ATP6AP1: variants seen among roughly 807,000 people sequenced by gnomAD.
The protein encoded by ATP6AP1 is V-type proton ATPase subunit S1.
ATP6AP1 carries 1 observed loss-of-function variant against 32.0 expected under a neutral mutation model. That is an observed-to-expected ratio of 0.03 (90% CI 0.01 to 0.15). The LOEUF (loss-of-function observed/expected upper bound fraction) is 0.15. Among genes scored for constraint, ATP6AP1 ranks in the 10% least tolerant of loss-of-function variants. ATP6AP1 has a pLI of 1.00. For missense variants in ATP6AP1, 297 were observed against 398.8 expected, an observed-to-expected ratio of 0.74 and a Z score of 2.17; for synonymous variants, 187 against 174.9, an observed-to-expected ratio of 1.07 and a Z score of -0.55.
rs782410042 is a variant in ATP6AP1, at chrX:154,435,697, G to A, written c.1219G>A (p.Val407Ile). 4.3e-5 allele frequency: 52 copies of A among 1,210,049 alleles called. No individual in the cohort carries two copies. The Admixed American group carries it at 9.6e-4, about 22-fold the overall frequency. Reference protein sequence around the residue: ...LQDFQIQAFNVMGEQFSYASD... With the variant: ...LQDFQIQAFNIMGEQFSYASD... Reference sequence around the variant, plus strand: ...TGTCTGCCAGATCCAGGCTTTCAACGTAATGGGGGAGCAGTTCTCCTACGC... The same window carrying A: ...TGTCTGCCAGATCCAGGCTTTCAACATAATGGGGGAGCAGTTCTCCTACGC... The change falls in exon 10 of 10, where the codon GTA becomes ATA. Residue 407 changes from valine to isoleucine, a missense_variant. Val to Ile is a conservative substitution (Grantham distance 29, BLOSUM62 3). Around this residue, in one of 2 missense-constraint regions of ATP6AP1, gnomAD observed 155 missense variants for 253.8 expected, o/e 0.61. Coordinates refer to ENST00000369762, the MANE Select transcript of ATP6AP1 (RefSeq NM_001183.6).
chrX:154,432,122 T>C, intron 3 of ATP6AP1, 144 bp from the exon 4 acceptor site: 1 of 680,373 alleles, frequency 1.5e-6, no homozygotes, highest in Non-Finnish European at 2.2e-6. Flanking sequence ...GGCCTGAATG[T>C]CAGGGGCTGG....
Position 154,428,866 on chromosome X carries a change from G to C in ATP6AP1, c.161+13G>C. 1.8e-6 allele frequency: 2 copies of C among 1,088,762 alleles called. No homozygotes were observed. Among genetic ancestry groups the C allele is most frequent in the Non-Finnish European group, 2.4e-6 (2 of 844,172 alleles). 89.7% of individuals were successfully genotyped at this position (1,088,762 alleles called of 1,213,427 possible). On this transcript the variant is annotated intron_variant, in intron 1 of 9. Transcript: ENST00000369762. ...GGTCGAGTGACCGGTGAGCGGGCCGGGGTGGGATGCGCTGTGGCGGCTGAG... is the reference window on the plus strand; with the variant it reads ...GGTCGAGTGACCGGTGAGCGGGCCGCGGTGGGATGCGCTGTGGCGGCTGAG...
intron 2 of ATP6AP1, chrX:154,430,364 CCACCTCA>C (rs1557196572): frequency 7.1e-5 from 8 of 111,981 alleles, no homozygotes; most frequent in African/African-American, 2.6e-4. Flanking sequence ...CGTGATCCAC[CCACCTCA>C]GCCTCCCAAA....
chrX:154,430,157 A>G (rs782421231), intron 2 of ATP6AP1: 1 of 106,613 alleles, frequency 9.4e-6, no homozygotes, highest in South Asian at 4.3e-4. Flanking sequence ...CCAGGCTGGA[A>G]TGCAGTGGTG....
chrX:154,428,816 G>A lies in ATP6AP1; in HGVS notation c.124G>A (p.Glu42Lys), dbSNP rs971978747. The A allele has an allele frequency of 3.6e-5, 40 of 1,113,403 alleles. No individual in the cohort carries two copies. Among genetic ancestry groups the A allele is most frequent in the Admixed American group, 6.1e-5 (2 of 32,631 alleles). The allele number at this position is 1,113,403 out of a possible 1,213,427, so 91.8% of individuals were successfully genotyped here. A position where few individuals can be genotyped will look rare whatever the true frequency, so the allele number is the denominator to read the frequency against. ...LAAAAAAAAA[E>K]QQVPLVLWSS... ...GGCGGCGGCGGCGGCGGCAGCGGCG[G>A]AGCAGCAGGTCCCGCTGGTGCTGTG... The change falls in exon 1 of 10, where the codon GAG becomes AAG. Residue 42 changes from glutamate to lysine, a missense_variant. By Grantham distance (56) the Glu-to-Lys change is moderately conservative. Coordinates refer to ENST00000369762, the MANE Select transcript of ATP6AP1 (RefSeq NM_001183.6).
chrX:154,435,611 C>A (rs782048010), intron 9 of ATP6AP1, 71 bp from the exon 10 acceptor site: 1,631 of 1,169,505 alleles, frequency 1.4e-3, no homozygotes, highest in Non-Finnish European at 1.6e-3. Flanking sequence ...CCTGTCCCTG[C>A]GCTGCCCCTG....
intron 2 of ATP6AP1, 103 bp from the exon 3 acceptor site, chrX:154,431,727 G>C: frequency 1.3e-6 from 1 of 794,356 alleles, no homozygotes; most frequent in Non-Finnish European, 1.9e-6. Context: ...CTCTCAGTGA[G>C]ACTTTGCTGG....
At chrX:154,431,210 A>G (rs2068691310) in intron 2 of ATP6AP1, 1 of 112,533 alleles carries the variant, frequency 8.9e-6, no homozygotes, top group African/African-American at 3.3e-5. Context: ...CTAACTGGGA[A>G]GGGCCAGAGG....
In ATP6AP1 at chrX:154,428,678, G is replaced by A; in HGVS notation, c.-15G>A. On this transcript the variant is annotated 5_prime_UTR_variant, in exon 1 of 10. In the 5' UTR this introduces an upstream ATG that the reference lacks. Coordinates refer to ENST00000369762, the MANE Select transcript of ATP6AP1 (RefSeq NM_001183.6). ...TGCGGCTGTCGAGGCCGCTGAGGCAGTGGAGGCTGAGGCTATGATGGCGGC... is the reference window on the plus strand; with the variant it reads ...TGCGGCTGTCGAGGCCGCTGAGGCAATGGAGGCTGAGGCTATGATGGCGGC... 8.7e-7 allele frequency: 1 copy of A among 1,146,558 alleles called. No homozygotes were observed. The highest frequency in any genetic ancestry group is 1.2e-6 in the Non-Finnish European group (1 of 867,753). 94.5% of individuals were successfully genotyped at this position (1,146,558 alleles called of 1,213,427 possible).
intron 2 of ATP6AP1, chrX:154,431,519 G>C: frequency 1.2e-5 from 2 of 167,517 alleles, no homozygotes; most frequent in Non-Finnish European, 1.1e-5. Flanking sequence ...TCCCTCCCCA[G>C]TTCCTCTTGT....
In ATP6AP1 at chrX:154,428,787, T is replaced by TGGC. The variant is rs781797236; in HGVS notation, c.114_116dup (p.Ala41dup). On this transcript the variant is annotated inframe_insertion, in exon 1 of 10. Transcript: ENST00000369762. ...CCGTGGCTGCCGGTGTTTTTGTCGT[T>TGGC]GGCGGCGGCGGCGGCGGCGGCAGCG... The TGGC allele has an allele frequency of 1.4e-4, 159 of 1,124,450 alleles. No individual in the cohort carries two copies. Among genetic ancestry groups the TGGC allele is most frequent in the African/African-American group, 5.9e-4 (30 of 51,225 alleles). 92.7% of individuals were successfully genotyped at this position (1,124,450 alleles called of 1,213,427 possible). A position where few individuals can be genotyped will look rare whatever the true frequency, so the allele number is the denominator to read the frequency against.
chrX:154,433,733 C>G lies in ATP6AP1; in HGVS notation c.684+13C>G, dbSNP rs782396742. The stretch of plus-strand genomic sequence containing the variant: ...CCGCCCTTCCAGGGTATGTGCCCTT[C>G]CAGCAGGGGCTCTGGGGCGTGCAGG... On this transcript the variant is annotated intron_variant, in intron 6 of 9. Coordinates refer to ENST00000369762, the MANE Select transcript of ATP6AP1 (RefSeq NM_001183.6). The G allele has an allele frequency of 3.3e-6, 4 of 1,203,266 alleles. No individual in the cohort carries two copies. Among genetic ancestry groups the G allele is most frequent in the Non-Finnish European group, 2.3e-6 (2 of 888,137 alleles).
At chrX:154,428,964 G>A in intron 1 of ATP6AP1, 84 bp from the exon 2 acceptor site, 1 of 1,170,096 alleles carries the variant, frequency 8.5e-7, no homozygotes, top group Non-Finnish European at 1.1e-6. Context: ...TTCCTTGCTC[G>A]GGGGCTCGCA....
chrX:154,429,136 C>T lies in ATP6AP1; in HGVS notation c.250C>T (p.Leu84=). The change falls in exon 2 of 10, where the codon CTG becomes TTG. Residue 84 remains leucine (L), a synonymous_variant. Coordinates refer to ENST00000369762, the MANE Select transcript of ATP6AP1 (RefSeq NM_001183.6). ...TACCTACTTAGATCCCGCCCTGGAG[C>T]TGGGTCCCAGGAATGTGCTGCTGTT... The part of the protein sequence containing the change: ...LSTYLDPALE[L]GPRNVLLFLQ... 8.3e-7 allele frequency: 1 copy of T among 1,211,824 alleles called. No homozygotes were observed. The highest frequency in any genetic ancestry group is 1.1e-6 in the Non-Finnish European group (1 of 895,481).
rs782185661 is a variant in ATP6AP1 at position 154,428,880 on chromosome X, G to A, written c.161+27G>A. The A allele has an allele frequency of 8.3e-6, 9 of 1,085,577 alleles. No homozygotes were observed. In the African/African-American group the frequency reaches 1.7e-4, roughly 21 times the overall value. 89.5% of individuals were successfully genotyped at this position (1,085,577 alleles called of 1,213,427 possible). A position where few individuals can be genotyped will look rare whatever the true frequency, so the allele number is the denominator to read the frequency against. On this transcript the variant is annotated intron_variant, in intron 1 of 9. Coordinates refer to ENST00000369762, the MANE Select transcript of ATP6AP1 (RefSeq NM_001183.6). ...TGAGCGGGCCGGGGTGGGATGCGCT[G>A]TGGCGGCTGAGGCGCCCTCGCCCGA...
rs782810612 is a variant in ATP6AP1 at position 154,435,892 on chromosome X, C to T, written c.*1C>T. 42 of 1,203,242 alleles carry T rather than the reference C, an allele frequency of 3.5e-5. No homozygotes were observed. The South Asian group carries it at 7.0e-4, about 20-fold the overall frequency. On this transcript the variant is annotated 3_prime_UTR_variant, in exon 10 of 10. Transcript: ENST00000369762. ...TATTTCTTTGACCCAGATTGTGTGA[C>T]CCTGTGCCAGTGGGGGGGTTGAGGG...
rs1557197212 is a variant in ATP6AP1, at chrX:154,433,724, T to C, written c.684+4T>C. On this transcript the variant is annotated splice_donor_region_variant and intron_variant, in intron 6 of 9. Coordinates refer to ENST00000369762, the MANE Select transcript of ATP6AP1 (RefSeq NM_001183.6). The stretch of plus-strand genomic sequence containing the variant: ...CACAGCGGTCCGCCCTTCCAGGGTA[T>C]GTGCCCTTCCAGCAGGGGCTCTGGG... 1 of 1,208,146 alleles carries C rather than the reference T, an allele frequency of 8.3e-7. No individual in the cohort carries two copies. The highest frequency in any genetic ancestry group is 2.3e-4 in the Middle Eastern group (1 of 4,330).
intron 7 of ATP6AP1, among the ~76,000 whole-genome samples, chrX:154,434,936 G>A (rs782110367): frequency 8.9e-6 from 1 of 111,933 alleles, no homozygotes; most frequent in South Asian, 3.7e-4. Flanking sequence ...GGGGACCTGG[G>A]TCCTGGCTTC....
In ATP6AP1 at chrX:154,432,208, C is replaced by T. The variant is rs782503725; in HGVS notation, c.364-58C>T. On this transcript the variant is annotated intron_variant, in intron 3 of 9. Coordinates refer to ENST00000369762, the MANE Select transcript of ATP6AP1 (RefSeq NM_001183.6). Reference sequence around the variant, plus strand: ...AGAGCTGCCAGAGAGGTGTGGGGGGCTGGGCCAGGCCCACTGGCCCCTGGC... The same window carrying T: ...AGAGCTGCCAGAGAGGTGTGGGGGGTTGGGCCAGGCCCACTGGCCCCTGGC... The T allele has an allele frequency of 7.6e-6, 8 of 1,057,908 alleles. No homozygotes were observed. In the East Asian group the frequency reaches 2.2e-4, roughly 28 times the overall value. 87.2% of individuals were successfully genotyped at this position (1,057,908 alleles called of 1,213,427 possible). A position where few individuals can be genotyped will look rare whatever the true frequency, so the allele number is the denominator to read the frequency against.
Sources: gnomAD v4.1 joint callset for allele counts (sites outside exome capture counted in the v4.1 genomes callset) on GRCh38, gnomAD v4.1.1 for gene constraint, gnomAD v4.1.1 regional missense constraint, MANE v1.5 for transcripts, NCBI Gene and HGNC (gene_info 2026-07-23, HGNC 2026-07-21) for gene names.